Variants in CCDC15 observed in about 807,000 individuals in gnomAD.
The protein encoded by CCDC15 is coiled-coil domain containing 15, also known as coiled-coil domain-containing protein 15.
In CCDC15, 105 loss-of-function variants were observed where a neutral mutation model predicts 114.5. The ratio of observed to expected loss-of-function variants is 0.92; its 90% CI spans 0.78 to 1.08. The LOEUF (loss-of-function observed/expected upper bound fraction) is 1.08. Among genes scored for constraint, CCDC15 ranks in the 50% least tolerant of loss-of-function variants. CCDC15 has a pLI of 0.00. For missense variants in CCDC15, 1,105 were observed against 1,093.6 expected, an observed-to-expected ratio of 1.01 and a Z score of -0.15; for synonymous variants, 334 against 377.8, an observed-to-expected ratio of 0.88 and a Z score of 1.34.
At chr11:125,018,877 G>A (rs967747463) in intron 13 of CCDC15, among the ~76,000 whole-genome samples, 3 of 151,978 alleles carry the variant, frequency 2.0e-5, no homozygotes, top group African/African-American at 7.2e-5. Context: ...TGAAGGATTT[G>A]TGGGGATAGT....
intron 13 of CCDC15, among the ~76,000 whole-genome samples, chr11:125,006,372 T>C (rs1236155037): frequency 6.6e-6 from 1 of 152,244 alleles, no homozygotes; most frequent in African/African-American, 2.4e-5. Context: ...TTTGGTGATG[T>C]GTCTGTTCAT....
intron 11 of CCDC15, 52 bp downstream of exon 11, chr11:124,993,295 G>T: frequency 8.4e-7 from 1 of 1,187,816 alleles, no homozygotes; most frequent in East Asian, 2.4e-5. Context: ...AAGTAGAGCA[G>T]AATATAGTGA....
intron 6 of CCDC15, among the ~76,000 whole-genome samples, chr11:124,982,010 C>T (rs1948080733): frequency 6.6e-6 from 1 of 152,134 alleles, no homozygotes; most frequent in Non-Finnish European, 1.5e-5. Context: ...GTTAGGTCTT[C>T]TTGTTCAATT....
Position 125,021,461 on chromosome 11 carries a change from G to A in CCDC15, c.2411+16249G>A, listed in dbSNP as rs1042171615. Among the ~76,000 whole-genome samples the A allele has an allele frequency of 7.3e-5, 11 of 151,588 alleles. No individual in the cohort carries two copies. The South Asian group carries it at 1.0e-3, about 14-fold the overall frequency. ...AACCGTTTATGTACTGTGATTTTTCGGAGAGCCACAAATTACTATAATATC... is the reference window on the plus strand; with the variant it reads ...AACCGTTTATGTACTGTGATTTTTCAGAGAGCCACAAATTACTATAATATC... On this transcript the variant is annotated intron_variant, in intron 13 of 15. Transcript: ENST00000344762.
In CCDC15 at chr11:124,987,298, C is replaced by A. The variant is rs1333573977; in HGVS notation, c.1072C>A (p.Pro358Thr). 1.2e-6 allele frequency: 2 copies of A among 1,611,002 alleles called. No homozygotes were observed. The highest frequency in any genetic ancestry group is 1.7e-5 in the Admixed American group (1 of 59,554). ...TTTGACAGGAATCCAGAGTGTTAAG[C>A]CAGATACCCAGGCTGTTGAAATGAA... ...GDLTGIQSVK[P>T]DTQAVEMKVQ... The change falls in exon 8 of 16, where the codon CCA (proline) becomes ACA (threonine). Residue 358 changes from proline to threonine, a missense_variant. Pro to Thr is a conservative substitution (Grantham distance 38). Coordinates refer to ENST00000344762, the MANE Select transcript of CCDC15 (RefSeq NM_025004.3).
intron 13 of CCDC15, among the ~76,000 whole-genome samples, chr11:125,012,930 G>C (rs953054037): frequency 6.6e-5 from 10 of 152,090 alleles, no homozygotes; most frequent in African/African-American, 2.4e-4. Flanking sequence ...GTAAACTTAA[G>C]CAAGTAACTT....
intron 13 of CCDC15, among the ~76,000 whole-genome samples, chr11:125,026,048 G>A (rs1948699519): frequency 6.6e-6 from 1 of 152,082 alleles, no homozygotes; most frequent in South Asian, 2.1e-4. Context: ...TGCTCCCTGT[G>A]GTTGGGGGAG....
intron 13 of CCDC15, among the ~76,000 whole-genome samples, chr11:125,024,565 C>T (rs563745821): frequency 1.3e-5 from 2 of 152,100 alleles, no homozygotes; most frequent in South Asian, 4.2e-4. Context: ...ATTTTCAGTG[C>T]TATTATAAAT....
chr11:124,986,155 T>C (rs961345808), intron 6 of CCDC15, among the ~76,000 whole-genome samples: 10 of 152,226 alleles, frequency 6.6e-5, no homozygotes. Context: ...TTGTCAAAAA[T>C]CAATTGACTA....
At chr11:124,954,990 G>T in intron 2 of CCDC15, 81 bp downstream of exon 2, 1 of 1,253,940 alleles carries the variant, frequency 8.0e-7, no homozygotes, top group Non-Finnish European at 1.1e-6. Flanking sequence ...GGTGCTTAAA[G>T]ATGAACAGTC....
At chr11:124,976,100 GT>G in intron 5 of CCDC15, among the ~76,000 whole-genome samples, 1 of 151,204 alleles carries the variant, frequency 6.6e-6, no homozygotes, top group East Asian at 1.9e-4. Flanking sequence ...AATAAATTAT[GT>G]TTTTTTGCCA....
At chr11:125,000,915 T>C (rs1247123844) in intron 11 of CCDC15, among the ~76,000 whole-genome samples, 1 of 152,172 alleles carries the variant, frequency 6.6e-6, no homozygotes, top group Non-Finnish European at 1.5e-5. Context: ...AATCAATACA[T>C]AACCTTATTT....
chr11:124,957,133 A>G (rs570410700), intron 2 of CCDC15, among the ~76,000 whole-genome samples: 10 of 152,320 alleles, frequency 6.6e-5, no homozygotes, highest in East Asian at 3.9e-4. Flanking sequence ...AAATAATACT[A>G]TGTAACAGGA....
chr11:125,018,636 G>A (rs1169152146), intron 13 of CCDC15, among the ~76,000 whole-genome samples: 2 of 151,928 alleles, frequency 1.3e-5, no homozygotes, highest in Admixed American at 1.3e-4. Context: ...ATACAATAAG[G>A]ATAATAATGA....
intron 13 of CCDC15, among the ~76,000 whole-genome samples, chr11:125,025,497 T>C (rs1948695169): frequency 6.6e-6 from 1 of 152,000 alleles, no homozygotes. Context: ...TAAATTGGCA[T>C]TGTTTAGTGC....
At chr11:124,973,616 C>T (rs1292612328) in intron 4 of CCDC15, among the ~76,000 whole-genome samples, 1 of 152,024 alleles carries the variant, frequency 6.6e-6, no homozygotes, top group East Asian at 1.9e-4. Context: ...ATTAATAAAG[C>T]CATAAAATTT....
intron 4 of CCDC15, among the ~76,000 whole-genome samples, chr11:124,970,180 G>A (rs113483640): frequency 3.3e-5 from 5 of 152,170 alleles, no homozygotes; most frequent in African/African-American, 1.2e-4. Flanking sequence ...TTGAGGACCC[G>A]TTAGCCTCTT....
chr11:124,972,368 A>G (rs1305162350), intron 4 of CCDC15, among the ~76,000 whole-genome samples: 1 of 152,222 alleles, frequency 6.6e-6, no homozygotes, highest in Admixed American at 6.5e-5. Context: ...GTAAGTATAC[A>G]TACAAATGTA....
At chr11:125,012,773 C>T (rs904520706) in intron 13 of CCDC15, among the ~76,000 whole-genome samples, 2 of 152,070 alleles carry the variant, frequency 1.3e-5, no homozygotes, top group African/African-American at 4.8e-5. Context: ...TAGTTTAGTA[C>T]TTTTCAACAA....
Sources: gnomAD v4.1 joint callset for allele counts (sites outside exome capture counted in the v4.1 genomes callset) on GRCh38, gnomAD v4.1.1 for gene constraint, MANE v1.5 for transcripts, NCBI Gene and HGNC (gene_info 2026-07-23, HGNC 2026-07-21) for gene names.